The following IL6ST variants were observed in gnomAD, a reference collection of about 807,000 sequenced individuals.
The protein encoded by IL6ST is interleukin-6 receptor subunit beta.
Under a neutral mutation model 91.3 loss-of-function variants are expected in IL6ST, and 24 were observed. The ratio of observed to expected loss-of-function variants is 0.26; its 90% CI spans 0.19 to 0.37. The LOEUF is 0.37. IL6ST is among the 10% of genes least tolerant of loss of function. The pLI, the probability that IL6ST is intolerant of heterozygous loss-of-function variation, is 1.00. For missense variants in IL6ST, 914 were observed against 1,078.5 expected (o/e 0.85, Z 2.14); for synonymous variants, 351 against 373.6 (o/e 0.94, Z 0.70).
chr5:55,969,510 G>T, intron 4 of IL6ST, 40 bp downstream of exon 4: 1 of 1,364,854 alleles, frequency 7.3e-7, no homozygotes, highest in Non-Finnish European at 1.0e-6. Context: ...CAGTTCAATA[G>T]TCATGACAAA....
Position 55,936,033 on chromosome 5 carries a change from T to C in IL6ST, c.*5049A>G, listed in dbSNP as rs535793732. ...TGTTATTTCTATAAACTCTGGTATATATGTGAAGGAGTTACTGTTGGCTGG... is the reference window on the plus strand; with the variant it reads ...TGTTATTTCTATAAACTCTGGTATACATGTGAAGGAGTTACTGTTGGCTGG... On this transcript the variant is annotated 3_prime_UTR_variant, in exon 17 of 17. Transcript: ENST00000381298. The C allele has an allele frequency of 4.4e-4, 100 of 227,082 alleles. No homozygotes were observed. The highest frequency in any genetic ancestry group is 2.2e-3 in the African/African-American group (98 of 45,152). 14.1% of individuals were successfully genotyped at this position (227,082 alleles called of 1,614,324 possible).
Position 55,935,163 on chromosome 5 carries a change from CAGAA to C in IL6ST, c.*5915_*5918del, listed in dbSNP as rs1346565763. On this transcript the variant is annotated 3_prime_UTR_variant, in exon 17 of 17. Transcript: ENST00000381298. ...CACCATATAGCTCACCATGTTATCCCAGAAAGACTACAATTTCATACAGAATGCA... is the reference window on the plus strand; with the variant it reads ...CACCATATAGCTCACCATGTTATCCCAGACTACAATTTCATACAGAATGCA... The C allele has an allele frequency of 5.6e-6, 1 of 178,696 alleles. No homozygotes were observed. Among genetic ancestry groups the C allele is most frequent in the African/African-American group, 2.4e-5 (1 of 42,230 alleles). The allele number at this position is 178,696 out of a possible 1,614,324, so 11.1% of individuals were successfully genotyped here.
In IL6ST at chr5:55,968,272, G is replaced by A. The variant is rs3730291; in HGVS notation, c.491+4C>T. ...TAACATGAAACAAATTTAAAATAAC[G>A]TACCATTCAGATTTTAAAGTGAAGT... On this transcript the variant is annotated splice_donor_region_variant and intron_variant, in intron 5 of 16. Transcript: ENST00000381298. 9,375 of 1,575,838 alleles carry A rather than the reference G, an allele frequency of 5.9e-3. 489 individuals carry two copies. In the African/African-American group the frequency reaches 0.11, roughly 19 times the overall value.
At position 55,964,364 on chromosome 5, in the gene IL6ST, T is replaced by TA. The variant is rs1264205043; in HGVS notation, c.492-53dup. ...TCATTAAAAACACATCTGAAAAAAT[T>TA]AGAGTGAAAAAAATTACTTGCAAAG... On this transcript the variant is annotated intron_variant, in intron 5 of 16. Transcript: ENST00000381298. 15 of 1,365,022 alleles carry TA rather than the reference T, an allele frequency of 1.1e-5. 1 individual carries two copies. The African/African-American group carries it at 1.3e-4, about 12-fold the overall frequency. The allele number at this position is 1,365,022 out of a possible 1,614,324, so 84.6% of individuals were successfully genotyped here.
At chr5:55,962,988 G>A (rs1364902473) in intron 7 of IL6ST, among the ~76,000 whole-genome samples, 1 of 151,804 alleles carries the variant, frequency 6.6e-6, no homozygotes, top group Non-Finnish European at 1.5e-5. Flanking sequence ...CAGGTGTGGT[G>A]GTGCACACCT....
At position 55,944,303 on chromosome 5, in the gene IL6ST, T is replaced by C. The variant is rs569031135; in HGVS notation, c.1938-1552A>G. 3.3e-4 allele frequency among the ~76,000 whole-genome samples: 50 copies of C among 152,276 alleles called. No individual in the cohort carries two copies. In the South Asian group the frequency reaches 3.5e-3, roughly 11 times the overall value. On this transcript the variant is annotated intron_variant, in intron 15 of 16. Coordinates refer to ENST00000381298, the MANE Select transcript of IL6ST (RefSeq NM_002184.4). ...CTATAATTACTCCCAAGAAGCATGA[T>C]TGTGTATCTAGAAAATCCTAAGGAT... is the stretch of plus-strand genomic sequence containing the variant.
At chr5:55,965,563 A>G (rs1752581316) in intron 5 of IL6ST, among the ~76,000 whole-genome samples, 1 of 152,214 alleles carries the variant, frequency 6.6e-6, no homozygotes, top group Non-Finnish European at 1.5e-5. Flanking sequence ...TAGTCTGTAA[A>G]TATTATTTCA....
At chr5:55,983,147 C>A (rs1753759040) in intron 1 of IL6ST, among the ~76,000 whole-genome samples, 1 of 152,030 alleles carries the variant, frequency 6.6e-6, no homozygotes, top group African/African-American at 2.4e-5. Context: ...CTAGAGATGG[C>A]ACCATCATGC....
intron 1 of IL6ST, among the ~76,000 whole-genome samples, chr5:55,989,328 T>A (rs539940790): frequency 2.5e-4 from 38 of 152,054 alleles, no homozygotes; most frequent in Admixed American, 1.3e-3. Context: ...GACTATTCAA[T>A]AAATAGTATT....
At chr5:55,955,020 TAATA>T (rs1475004090) in intron 10 of IL6ST, 28 bp from the exon 11 acceptor site, 2 of 1,376,716 alleles carry the variant, frequency 1.5e-6, no homozygotes, top group Admixed American at 2.2e-5. Context: ...AATATTGAAA[TAATA>T]AATATTAACA....
intron 1 of IL6ST, among the ~76,000 whole-genome samples, chr5:55,983,985 T>C (rs1434890771): frequency 1.3e-5 from 2 of 151,868 alleles, no homozygotes; most frequent in Admixed American, 6.6e-5. Flanking sequence ...AACCACCCTG[T>C]GTTTCTTATA....
chr5:55,940,706 C>G lies in IL6ST; in HGVS notation c.*376G>C, dbSNP rs1444524653. On this transcript the variant is annotated 3_prime_UTR_variant, in exon 17 of 17. Transcript: ENST00000381298. The stretch of plus-strand genomic sequence containing the variant: ...AAGCCACTCTGATGACTATTCTAAT[C>G]AAAATCAGTATAGCTGTGCTCACTA... The G allele has an allele frequency of 4.2e-6, 1 of 239,078 alleles. No homozygotes were observed. The highest frequency in any genetic ancestry group is 2.2e-5 in the African/African-American group (1 of 44,998). The allele number at this position is 239,078 out of a possible 1,614,324, so 14.8% of individuals were successfully genotyped here. A position where few individuals can be genotyped will look rare whatever the true frequency, so the allele number is the denominator to read the frequency against.
rs2111587580 is a variant in IL6ST at position 55,941,666 on chromosome 5, T to A, written c.2173A>T (p.Ser725Cys). 6.2e-7 allele frequency: 1 copy of A among 1,614,162 alleles called. No homozygotes were observed. The highest frequency in any genetic ancestry group is 8.5e-7 in the Non-Finnish European group (1 of 1,180,016). ...KKEKINTEGH[S>C]SGIGGSSCMS... ...CATGAAGACCCCCCAATACCACTGC[T>A]GTGTCCTTCAGTATTAATTTTTTCC... The change falls in exon 17 of 17, where the codon AGC becomes TGC. Residue 725 changes from serine to cysteine, a missense_variant. By Grantham distance (112) the Ser-to-Cys change is moderately radical. Coordinates refer to ENST00000381298, the MANE Select transcript of IL6ST (RefSeq NM_002184.4).
At chr5:55,942,837 C>CTCTT in intron 15 of IL6ST, 86 bp from the exon 16 acceptor site, 6 of 708,890 alleles carry the variant, frequency 8.5e-6, no homozygotes, top group Non-Finnish European at 4.9e-6. Flanking sequence ...TCATCAAAGA[C>CTCTT]TCTTACAAAC....
intron 1 of IL6ST, among the ~76,000 whole-genome samples, chr5:55,990,289 AAAG>A (rs67485722): frequency 0.092 from 13,952 of 152,060 alleles, 769 homozygotes; most frequent in Middle Eastern, 0.15. Flanking sequence ...TTTAAAAAAA[AAAG>A]AAGAAGAAGA....
intron 4 of IL6ST, 117 bp downstream of exon 4, chr5:55,969,433 C>A: frequency 1.5e-6 from 1 of 667,274 alleles, no homozygotes; most frequent in Non-Finnish European, 2.4e-6. Flanking sequence ...AAAAACCAAA[C>A]ATGTCCAAGT....
intron 5 of IL6ST, among the ~76,000 whole-genome samples, 161 bp from the exon 6 acceptor site, chr5:55,964,473 C>T (rs1175687536): frequency 2.6e-5 from 4 of 152,282 alleles, no homozygotes; most frequent in African/African-American, 9.6e-5. Context: ...ATAAACCTTT[C>T]TTTAAAATTA....
intron 7 of IL6ST, among the ~76,000 whole-genome samples, chr5:55,961,011 T>A (rs1259043299): frequency 6.6e-6 from 1 of 151,286 alleles, no homozygotes; most frequent in East Asian, 2.0e-4. Flanking sequence ...CGATCTCAGC[T>A]CACTGCAACC....
At chr5:55,968,005 C>A (rs1284067095) in intron 5 of IL6ST, among the ~76,000 whole-genome samples, 1 of 151,996 alleles carries the variant, frequency 6.6e-6, no homozygotes, top group African/African-American at 2.4e-5. Flanking sequence ...TCTGGTTGGC[C>A]AGGCTGGTCT....
Sources: allele counts gnomAD v4.1 joint callset (sites outside exome capture counted in the v4.1 genomes callset), GRCh38; gene constraint gnomAD v4.1.1; transcripts MANE v1.5; gene names NCBI Gene and HGNC (gene_info 2026-07-23, HGNC 2026-07-21).